The following MPDZ variants were observed in gnomAD, a reference collection of about 807,000 sequenced individuals.
The protein encoded by MPDZ is multiple PDZ domain crumbs cell polarity complex component.
MPDZ carries 234 observed loss-of-function variants against 239.1 expected under a neutral mutation model. The ratio of observed to expected loss-of-function variants is 0.98; its 90% CI spans 0.88 to 1.09. The LOEUF (loss-of-function observed/expected upper bound fraction) is 1.09, where lower values mean the gene tolerates loss of function less well. MPDZ is among the 50% of genes least tolerant of loss of function. The pLI, the probability that MPDZ is intolerant of heterozygous loss-of-function variation, is 0.00. For synonymous variants in MPDZ, 1,048 were observed against 881.3 expected (o/e 1.19, Z -3.35); for missense variants, 3,175 against 2,510.0 (o/e 1.26, Z -5.66).
chr9:13,178,342 G>A (rs1952793160), intron 19 of MPDZ, among the ~76,000 whole-genome samples: 1 of 151,868 alleles, frequency 6.6e-6, no homozygotes, highest in Non-Finnish European at 1.5e-5. Context: ...GGGAATACCT[G>A]TTAATGAATC....
intron 24 of MPDZ, among the ~76,000 whole-genome samples, 163 bp downstream of exon 24, chr9:13,157,852 CATT>C (rs2133376188): frequency 6.6e-6 from 1 of 152,248 alleles, no homozygotes; most frequent in South Asian, 2.1e-4. Context: ...GTGTGATACA[CATT>C]ATTCTCTCCA....
intron 34 of MPDZ, 95 bp downstream of exon 34, chr9:13,126,421 A>T: frequency 1.3e-6 from 1 of 767,794 alleles, no homozygotes; most frequent in Non-Finnish European, 2.1e-6. Context: ...TAATACAGCT[A>T]CATAACCCTA....
intron 23 of MPDZ, among the ~76,000 whole-genome samples, chr9:13,159,428 G>T (rs1227424791): frequency 6.6e-6 from 1 of 152,110 alleles, no homozygotes; most frequent in Non-Finnish European, 1.5e-5. Context: ...CCAAGAGGGA[G>T]ATCCTAAAAA....
rs56937303 is a variant in MPDZ, at chr9:13,252,568, C to CAA, written c.-57-2198_-57-2197dup. 4.6e-3 allele frequency among the ~76,000 whole-genome samples: 593 copies of CAA among 129,698 alleles called. 2 individuals carry two copies. The highest frequency in any genetic ancestry group is 6.9e-3 in the African/African-American group (232 of 33,840). 85.1% of individuals were successfully genotyped at this position (129,698 alleles called of 152,430 possible). ...CAACAGAGTGAGACTCTGTCCCCCGCAAAAAAAAAAAAAAAAATCGGGCTG... is the reference window on the plus strand; with the variant it reads ...CAACAGAGTGAGACTCTGTCCCCCGCAAAAAAAAAAAAAAAAAAATCGGGCTG... On this transcript the variant is annotated intron_variant, in intron 1 of 46. Transcript: ENST00000319217.
chr9:13,249,948 A>G (rs994754329), intron 2 of MPDZ, among the ~76,000 whole-genome samples: 1 of 152,230 alleles, frequency 6.6e-6, no homozygotes, highest in Non-Finnish European at 1.5e-5. Context: ...ATCTTCTTTC[A>G]GTATTAAAAA....
At position 13,186,339 on chromosome 9, in the gene MPDZ, G is replaced by A. The variant is rs1448239556; in HGVS notation, c.2412C>T (p.Leu804=). Residue 804 remains leucine (L), a synonymous_variant, in exon 18 of 47, where the codon CTC becomes CTT. Coordinates refer to ENST00000319217, the MANE Select transcript of MPDZ (RefSeq NM_001378778.1). ...CTTCCTCACAGGAGTGTGGTGGGTA[G>A]AGAAAGGAATCCTCCTTAGCAGAAA... The part of the protein sequence containing the change: ...GYVSAKEDSF[L]YPPHSCEEAG... 2 of 1,593,484 alleles carry A rather than the reference G, an allele frequency of 1.3e-6. No individual in the cohort carries two copies. The highest frequency in any genetic ancestry group is 1.7e-6 in the Non-Finnish European group (2 of 1,169,456).
At chr9:13,256,266 T>C (rs1212463871) in intron 1 of MPDZ, among the ~76,000 whole-genome samples, 1 of 152,232 alleles carries the variant, frequency 6.6e-6, no homozygotes, top group African/African-American at 2.4e-5. Flanking sequence ...TGTGGCTGAT[T>C]TGATCTTCTA....
rs376707164 is a variant in MPDZ at position 13,121,789 on chromosome 9, C to T, written c.5181G>A (p.Glu1727=). ...EEEVCDTLTI[E]LQKKPGKGLG... is the part of the protein sequence containing the mutation. The stretch of plus-strand genomic sequence containing the variant: ...GGCCTTTTCCCGGCTTCTTCTGCAG[C>T]TCAATAGTGAGGGTGTCACACACTT... Residue 1727 remains glutamate, a synonymous_variant, in exon 38 of 47, where the codon GAG becomes GAA. Coordinates refer to ENST00000319217, the MANE Select transcript of MPDZ (RefSeq NM_001378778.1). 6.8e-6 allele frequency: 11 copies of T among 1,613,860 alleles called. No homozygotes were observed. Among genetic ancestry groups the T allele is most frequent in the Non-Finnish European group, 9.3e-6 (11 of 1,179,890 alleles).
intron 3 of MPDZ, among the ~76,000 whole-genome samples, chr9:13,240,432 T>C (rs923094928): frequency 1.3e-5 from 2 of 151,806 alleles, no homozygotes; most frequent in African/African-American, 2.4e-5. Flanking sequence ...TTATAGGACA[T>C]GGCATATTTT....
intron 1 of MPDZ, among the ~76,000 whole-genome samples, chr9:13,269,653 A>G (rs994883629): frequency 6.6e-6 from 1 of 152,232 alleles, no homozygotes; most frequent in Non-Finnish European, 1.5e-5. Context: ...TTCACAATAA[A>G]AGAAGTATTT....
intron 4 of MPDZ, 25 bp from the exon 5 acceptor site, chr9:13,223,735 TA>T (rs779344795): frequency 4.5e-6 from 7 of 1,556,644 alleles, no homozygotes; most frequent in African/African-American, 1.4e-5. Context: ...AAGCAAGAAA[TA>T]AAACTAAAAG....
chr9:13,118,485 A>T (rs1364524907), intron 39 of MPDZ, among the ~76,000 whole-genome samples: 1 of 152,212 alleles, frequency 6.6e-6, no homozygotes, highest in Non-Finnish European at 1.5e-5. Flanking sequence ...TTAGCGTATT[A>T]GACCTCCAAC....
chr9:13,259,335 G>C (rs1970142579), intron 1 of MPDZ, among the ~76,000 whole-genome samples: 1 of 151,714 alleles, frequency 6.6e-6, no homozygotes, highest in Non-Finnish European at 1.5e-5. Context: ...GTCTGTCTCG[G>C]AAAACAAAAA....
At chr9:13,179,666 A>G (rs1270133401) in intron 19 of MPDZ, among the ~76,000 whole-genome samples, 1 of 152,198 alleles carries the variant, frequency 6.6e-6, no homozygotes, top group East Asian at 1.9e-4. Flanking sequence ...TCTAAAGTGA[A>G]GTCTTTCAAA....
chr9:13,146,605 G>T (rs1316392716), intron 26 of MPDZ, among the ~76,000 whole-genome samples: 1 of 151,968 alleles, frequency 6.6e-6, no homozygotes, highest in East Asian at 1.9e-4. Context: ...GATGGGGGTT[G>T]TTAACTTAAA....
At chr9:13,133,760 A>C (rs544761577) in intron 32 of MPDZ, 64 bp downstream of exon 32, 1 of 1,166,688 alleles carries the variant, frequency 8.6e-7, no homozygotes, top group African/African-American at 1.5e-5. Flanking sequence ...TTGAGAACAC[A>C]GTGAATTAGA....
At chr9:13,240,712 T>G (rs1965202085) in intron 3 of MPDZ, among the ~76,000 whole-genome samples, 1 of 151,296 alleles carries the variant, frequency 6.6e-6, no homozygotes, top group African/African-American at 2.4e-5. Context: ...ATTTCCTCAC[T>G]GGATAAAATG....
intron 15 of MPDZ, 103 bp downstream of exon 15, chr9:13,192,028 G>A: frequency 9.7e-7 from 1 of 1,036,182 alleles, no homozygotes; most frequent in Non-Finnish European, 1.3e-6. Context: ...CATGGGCGAT[G>A]TGAGTAAATC....
chr9:13,208,724 G>A (rs1957275372), intron 10 of MPDZ, among the ~76,000 whole-genome samples: 1 of 150,860 alleles, frequency 6.6e-6, no homozygotes, highest in Non-Finnish European at 1.5e-5. Flanking sequence ...GAGGAAGAAA[G>A]AGGGAAAATG....
Sources: allele counts gnomAD v4.1 joint callset (sites outside exome capture counted in the v4.1 genomes callset), GRCh38; gene constraint gnomAD v4.1.1; transcripts MANE v1.5; gene names NCBI Gene and HGNC (gene_info 2026-07-23, HGNC 2026-07-21).